TTLL11: variants seen among roughly 807,000 people sequenced by gnomAD.
TTLL11 encodes tubulin polyglutamylase TTLL11.
Under a neutral mutation model 51.7 loss-of-function variants are expected in TTLL11, and 42 were observed. That is an observed-to-expected ratio of 0.81 (90% confidence interval 0.64 to 1.05). The LOEUF (loss-of-function observed/expected upper bound fraction) is 1.05, where lower values mean the gene tolerates loss of function less well. Ranked by LOEUF, TTLL11 falls within the 50% of genes least tolerant of loss-of-function variation. The probability of loss-of-function intolerance (pLI) is 0.00; values close to 1 mark genes in which losing one functional copy is unlikely to be tolerated. For missense variants in TTLL11, 799 were observed against 940.4 expected (o/e 0.85, Z 1.97); for synonymous variants, 381 against 383.5 (o/e 0.99, Z 0.08).
At chr9:122,074,424 C>T (rs1845808178) in intron 1 of TTLL11, among the ~76,000 whole-genome samples, 1 of 152,056 alleles carries the variant, frequency 6.6e-6, no homozygotes, top group African/African-American at 2.4e-5. Flanking sequence ...AACATATTGT[C>T]ATCATGAAGG....
At chr9:121,960,298 T>C (rs1842176708) in intron 6 of TTLL11, among the ~76,000 whole-genome samples, 1 of 152,220 alleles carries the variant, frequency 6.6e-6, no homozygotes, top group South Asian at 2.1e-4. Flanking sequence ...CATTGACGTA[T>C]AGTACTCCAG....
intron 2 of TTLL11, among the ~76,000 whole-genome samples, chr9:122,033,334 A>G (rs1196695401): frequency 1.3e-5 from 2 of 152,076 alleles, no homozygotes; most frequent in Non-Finnish European, 2.9e-5. Context: ...GCTGGTCTCA[A>G]ACTCCTGACC....
At chr9:121,934,235 A>AAAATAAATAAATAAATAAAT (rs58764604) in intron 6 of TTLL11, among the ~76,000 whole-genome samples, 40 of 146,362 alleles carry the variant, frequency 2.7e-4, no homozygotes, top group African/African-American at 3.6e-4. Flanking sequence ...CTCCATCTCA[A>AAAATAAATAAATAAATAAAT]AAATAAATAA....
At chr9:122,049,384 T>G (rs1398147102) in intron 1 of TTLL11, among the ~76,000 whole-genome samples, 2 of 152,176 alleles carry the variant, frequency 1.3e-5, no homozygotes, top group Non-Finnish European at 2.9e-5. Flanking sequence ...TTTCCCAAGG[T>G]CACAGAGGTA....
intron 1 of TTLL11, among the ~76,000 whole-genome samples, chr9:122,063,694 A>C (rs2131877406): frequency 6.6e-6 from 1 of 152,368 alleles, no homozygotes; most frequent in African/African-American, 2.4e-5. Context: ...CTAATGCTTA[A>C]TTCACTGTTG....
intron 3 of TTLL11, among the ~76,000 whole-genome samples, chr9:122,012,644 C>T (rs1843834906): frequency 6.8e-6 from 1 of 147,604 alleles, no homozygotes; most frequent in Non-Finnish European, 1.5e-5. Context: ...CTGTCTCTGG[C>T]AGGAGGAAAA....
intron 1 of TTLL11, among the ~76,000 whole-genome samples, chr9:122,067,774 A>T (rs1438320496): frequency 2.0e-5 from 3 of 152,206 alleles, no homozygotes; most frequent in Non-Finnish European, 4.4e-5. Flanking sequence ...AAGTGCCGGG[A>T]TTGCAGGTGT....
chr9:122,068,981 C>T (rs921833639), intron 1 of TTLL11, among the ~76,000 whole-genome samples: 12 of 152,130 alleles, frequency 7.9e-5, no homozygotes, highest in South Asian at 2.1e-4. Flanking sequence ...ACGGATCTTG[C>T]GCCCCTGAAT....
chr9:122,093,230 G>A lies in TTLL11; in HGVS notation c.-82C>T, dbSNP rs750977305. ...CGCCCCAGTCCGCCACCAAACTGCC[G>A]CCGCTGCAGCCGCTGCCACGCGTTC... On this transcript the variant is annotated 5_prime_UTR_variant, in exon 1 of 9. Coordinates refer to ENST00000321582, the MANE Select transcript of TTLL11 (RefSeq NM_001139442.2). The A allele has an allele frequency of 8.1e-6, 12 of 1,486,198 alleles. No homozygotes were observed. Among genetic ancestry groups the A allele is most frequent in the Non-Finnish European group, 1.1e-5 (12 of 1,129,450 alleles). 92.1% of individuals were successfully genotyped at this position (1,486,198 alleles called of 1,614,324 possible). A position where few individuals can be genotyped will look rare whatever the true frequency, so the allele number is the denominator to read the frequency against.
At chr9:121,923,006 T>C (rs542253827) in intron 6 of TTLL11, among the ~76,000 whole-genome samples, 1 of 152,342 alleles carries the variant, frequency 6.6e-6, no homozygotes, top group South Asian at 2.1e-4. Flanking sequence ...CAACACCTAA[T>C]GCTTTGCAGG....
intron 3 of TTLL11, among the ~76,000 whole-genome samples, chr9:122,029,570 A>AT (rs955600861): frequency 6.6e-6 from 1 of 152,112 alleles, no homozygotes; most frequent in Non-Finnish European, 1.5e-5. Flanking sequence ...ATATAAGGAA[A>AT]TTTTTTTTGT....
intron 6 of TTLL11, among the ~76,000 whole-genome samples, chr9:121,918,313 A>G (rs1280280291): frequency 2.0e-5 from 3 of 152,194 alleles, no homozygotes; most frequent in African/African-American, 7.2e-5. Flanking sequence ...CAGAAGTCAC[A>G]GAGTGATGGG....
chr9:121,824,871 G>A (rs1836702657), intron 8 of TTLL11, among the ~76,000 whole-genome samples: 1 of 152,164 alleles, frequency 6.6e-6, no homozygotes, highest in Admixed American at 6.5e-5. Flanking sequence ...GTAGATTACA[G>A]GTTACATACA....
chr9:121,928,908 T>C (rs1020307936), intron 6 of TTLL11, among the ~76,000 whole-genome samples: 1 of 152,222 alleles, frequency 6.6e-6, no homozygotes, highest in African/African-American at 2.4e-5. Context: ...ACAGTCATGA[T>C]AGATTATTTT....
intron 1 of TTLL11, among the ~76,000 whole-genome samples, chr9:122,088,252 CTGCCTGCCTTGTTGTTCCTACTCTGTAT>C (rs1417608437): frequency 1.3e-5 from 2 of 152,254 alleles, no homozygotes; most frequent in Non-Finnish European, 2.9e-5. Context: ...CTGGTCCATA[CTGCCTGCCTTGTTGTTCCTACTCTGTAT>C]GGAACATCCT....
intron 8 of TTLL11, among the ~76,000 whole-genome samples, chr9:121,851,368 C>T (rs192203678): frequency 2.9e-4 from 44 of 152,294 alleles, no homozygotes; most frequent in African/African-American, 9.6e-4. Flanking sequence ...TTAATTATAA[C>T]AGCACAATCA....
chr9:122,009,404 T>G (rs1418209980), intron 3 of TTLL11, among the ~76,000 whole-genome samples: 4 of 151,962 alleles, frequency 2.6e-5, no homozygotes, highest in African/African-American at 7.2e-5. Flanking sequence ...TTTAAAAAAT[T>G]TTTAATATCT....
chr9:121,826,576 T>A (rs2119113484), intron 8 of TTLL11, among the ~76,000 whole-genome samples: 1 of 134,132 alleles, frequency 7.5e-6, no homozygotes, highest in East Asian at 2.2e-4. Flanking sequence ...TATATATATA[T>A]ATATATGTAT....
chr9:122,042,088 C>A (rs1844859836), intron 1 of TTLL11, among the ~76,000 whole-genome samples: 2 of 150,660 alleles, frequency 1.3e-5, no homozygotes, highest in African/African-American at 4.9e-5. Context: ...CAGCTCACTG[C>A]AACCTCTGCC....
Sources: allele counts gnomAD v4.1 joint callset (sites outside exome capture counted in the v4.1 genomes callset), GRCh38; gene constraint gnomAD v4.1.1; transcripts MANE v1.5; gene names NCBI Gene and HGNC (gene_info 2026-07-23, HGNC 2026-07-21).